The following NRG3 variants were observed in gnomAD, a reference collection of about 807,000 sequenced individuals.
NRG3 encodes pro-neuregulin-3, membrane-bound isoform.
Under a neutral mutation model 66.9 loss-of-function variants are expected in NRG3, and 31 were observed. The observed-to-expected ratio is 0.46, with a 90% confidence interval of 0.35 to 0.63. The LOEUF (loss-of-function observed/expected upper bound fraction) is 0.63, where lower values mean the gene tolerates loss of function less well. Ranked by LOEUF, NRG3 falls within the 20% of genes least tolerant of loss-of-function variation. NRG3 has a pLI of 0.00. For missense variants in NRG3, 910 were observed against 878.9 expected (o/e 1.04, Z -0.45); for synonymous variants, 393 against 359.4 (o/e 1.09, Z -1.06).
chr10:82,453,091 C>T (rs2091098172), intron 2 of NRG3, among the ~76,000 whole-genome samples: 1 of 152,086 alleles, frequency 6.6e-6, no homozygotes, highest in Admixed American at 6.6e-5. Flanking sequence ...CTTTCTGAGC[C>T]TGTTTTCTTA....
intron 1 of NRG3, among the ~76,000 whole-genome samples, chr10:82,202,628 C>T (rs950176375): frequency 6.6e-6 from 1 of 152,162 alleles, no homozygotes; most frequent in Non-Finnish European, 1.5e-5. Flanking sequence ...CAAAGCTTTT[C>T]CTGTGGTCGG....
rs1452087818 is a variant in NRG3 at position 82,068,005 on chromosome 10, CCTCA to C, written c.823+191843_823+191846del. Among the ~76,000 whole-genome samples, 11 of 152,216 alleles carry C rather than the reference CCTCA, an allele frequency of 7.2e-5. No homozygotes were observed. In the East Asian group the frequency reaches 2.1e-3, roughly 29 times the overall value. ...CTTTTTCCTTCTGACTTACATTCCT[CCTCA>C]AGCTACCTGTAAGTAATGATCTTGA... On this transcript the variant is annotated intron_variant, in intron 1 of 8. Transcript: ENST00000372141.
intron 2 of NRG3, among the ~76,000 whole-genome samples, chr10:82,419,916 C>T (rs1445483295): frequency 6.6e-6 from 1 of 152,120 alleles, no homozygotes; most frequent in Non-Finnish European, 1.5e-5. Flanking sequence ...AGAAATTCAG[C>T]TCAGAGACAC....
Position 82,979,121 on chromosome 10 carries a change from G to T in NRG3, c.1583+1G>T. On this transcript the variant is annotated splice_donor_variant, in intron 8 of 8. Coordinates refer to ENST00000372141, the MANE Select transcript of NRG3 (RefSeq NM_001010848.4). LOFTEE classifies it high-confidence loss of function. ...ACCAGGATACGATACCTTGCCAAGG[G>T]TAGGTCTTAAAACAGCAGTGGAATT... 3 of 1,613,872 alleles carry T rather than the reference G, an allele frequency of 1.9e-6. No individual in the cohort carries two copies. Among genetic ancestry groups the T allele is most frequent in the Non-Finnish European group, 1.7e-6 (2 of 1,179,866 alleles).
At chr10:81,932,836 C>T (rs753255431) in intron 1 of NRG3, among the ~76,000 whole-genome samples, 18 of 152,134 alleles carry the variant, frequency 1.2e-4, no homozygotes, top group Non-Finnish European at 2.4e-4. Context: ...TGGTCAGGCA[C>T]GGTGGCTCAT....
In NRG3 at chr10:82,865,419, T is replaced by C. The variant is rs150985246; in HGVS notation, c.1036T>C (p.Leu346=). The change falls in exon 4 of 9, where the codon TTG becomes CTG. Residue 346 remains leucine (L), a synonymous_variant. Coordinates refer to ENST00000372141, the MANE Select transcript of NRG3 (RefSeq NM_001010848.4). Reference sequence around the variant, plus strand: ...TGCTGACTTTGGTGTAGCAGACCACTTGGGGATTGAATTCATGGGTAAGAC... The same window carrying C: ...TGCTGACTTTGGTGTAGCAGACCACCTGGGGATTGAATTCATGGGTAAGAC... ...DSILSDPTDH[L]GIEFMESEEV... 27 of 1,613,060 alleles carry C rather than the reference T, an allele frequency of 1.7e-5. No individual in the cohort carries two copies. In the African/African-American group the frequency reaches 3.1e-4, roughly 18 times the overall value.
chr10:81,932,750 G>T (rs1299112901), intron 1 of NRG3, among the ~76,000 whole-genome samples: 2 of 152,042 alleles, frequency 1.3e-5, no homozygotes, highest in Non-Finnish European at 2.9e-5. Flanking sequence ...TAAGATAGTA[G>T]GTGTTTGATA....
chr10:82,270,961 A>T (rs1391103528), intron 1 of NRG3, among the ~76,000 whole-genome samples: 1 of 152,142 alleles, frequency 6.6e-6, no homozygotes, highest in Non-Finnish European at 1.5e-5. Context: ...TCCCTTCTTC[A>T]TTCCAGGATG....
chr10:82,786,160 G>T lies in NRG3; in HGVS notation c.1027+47510G>T, dbSNP rs1166706900. Among the ~76,000 whole-genome samples the T allele has an allele frequency of 3.9e-5, 6 of 152,244 alleles. No individual in the cohort carries two copies. In the East Asian group the frequency reaches 1.2e-3, roughly 29 times the overall value. ...TTAGTGGAGCCATGGAAGTGAAGTA[G>T]ACCCTGTGACCCCAGAACTACAGAG... On this transcript the variant is annotated intron_variant, in intron 3 of 8. Coordinates refer to ENST00000372141, the MANE Select transcript of NRG3 (RefSeq NM_001010848.4).
At chr10:82,197,787 T>A (rs2074523926) in intron 1 of NRG3, among the ~76,000 whole-genome samples, 1 of 152,154 alleles carries the variant, frequency 6.6e-6, no homozygotes, top group Non-Finnish European at 1.5e-5. Context: ...GAAACAAAAA[T>A]TTTGAGTCCT....
intron 2 of NRG3, among the ~76,000 whole-genome samples, chr10:82,462,062 C>T (rs1158202561): frequency 2.0e-5 from 3 of 152,044 alleles, no homozygotes; most frequent in Admixed American, 6.6e-5. Flanking sequence ...ACCCGGGAGG[C>T]GGAGGTGGCG....
chr10:81,997,850 C>T (rs1035035805), intron 1 of NRG3, among the ~76,000 whole-genome samples: 1 of 147,112 alleles, frequency 6.8e-6, no homozygotes, highest in Non-Finnish European at 1.5e-5. Flanking sequence ...GCCCCCCACC[C>T]CCCACCAAAG....
rs534713275 is a variant in NRG3, at chr10:82,373,098, C to T, written c.953+14230C>T. On this transcript the variant is annotated intron_variant, in intron 2 of 8. Coordinates refer to ENST00000372141, the MANE Select transcript of NRG3 (RefSeq NM_001010848.4). Reference sequence around the variant, plus strand: ...TCTCTAACTGAGCTGCTGCGAGGCTCGCATAGGGTGAAAGTAAGGTAACTG... The same window carrying T: ...TCTCTAACTGAGCTGCTGCGAGGCTTGCATAGGGTGAAAGTAAGGTAACTG... Among the ~76,000 whole-genome samples, 198 of 152,304 alleles carry T rather than the reference C, an allele frequency of 1.3e-3. 1 individual carries two copies. The highest frequency in any genetic ancestry group is 4.6e-3 in the African/African-American group (192 of 41,558).
intron 3 of NRG3, among the ~76,000 whole-genome samples, chr10:82,850,403 C>T (rs561965988): frequency 2.0e-4 from 30 of 152,270 alleles, no homozygotes; most frequent in African/African-American, 7.0e-4. Context: ...AATTTCGTTT[C>T]CTCTAGTGAA....
chr10:82,205,886 A>T (rs896480152), intron 1 of NRG3, among the ~76,000 whole-genome samples: 3 of 152,104 alleles, frequency 2.0e-5, no homozygotes, highest in Non-Finnish European at 2.9e-5. Context: ...ATCACATTTC[A>T]TTTATGTTCT....
intron 1 of NRG3, among the ~76,000 whole-genome samples, chr10:82,005,543 A>T (rs1294212906): frequency 6.6e-6 from 1 of 152,208 alleles, no homozygotes; most frequent in Non-Finnish European, 1.5e-5. Context: ...GGAATATCTG[A>T]ATAAAGCAAT....
At chr10:82,809,191 G>T (rs1384952526) in intron 3 of NRG3, among the ~76,000 whole-genome samples, 3 of 151,990 alleles carry the variant, frequency 2.0e-5, no homozygotes. Context: ...CTCGCCATTT[G>T]CCAATGATTG....
At chr10:82,784,338 A>G (rs2060251240) in intron 3 of NRG3, among the ~76,000 whole-genome samples, 1 of 150,982 alleles carries the variant, frequency 6.6e-6, no homozygotes, top group East Asian at 2.0e-4. Context: ...CAATGGCAAC[A>G]AAAGCCAAAA....
At chr10:82,954,517 C>A (rs1199739652) in intron 5 of NRG3, among the ~76,000 whole-genome samples, 1 of 151,896 alleles carries the variant, frequency 6.6e-6, no homozygotes, top group Non-Finnish European at 1.5e-5. Context: ...TGTTATCTTT[C>A]TGTCTACCAG....
Sources: allele counts gnomAD v4.1 joint callset (sites outside exome capture counted in the v4.1 genomes callset), GRCh38; gene constraint gnomAD v4.1.1; transcripts MANE v1.5; gene names NCBI Gene and HGNC (gene_info 2026-07-23, HGNC 2026-07-21).